Variants in ABCA12 observed in about 807,000 individuals in gnomAD.
ABCA12 encodes the protein ATP binding cassette subfamily A member 12.
A neutral mutation model predicts 293.5 loss-of-function variants in ABCA12; 156 were observed. The observed-to-expected ratio is 0.53, with a 90% CI of 0.47 to 0.61. The LOEUF (loss-of-function observed/expected upper bound fraction) is 0.61, where lower values mean the gene tolerates loss of function less well. Ranked by LOEUF, ABCA12 falls within the 20% of genes least tolerant of loss-of-function variation. The probability of loss-of-function intolerance (pLI) is 0.00; values close to 1 mark genes in which losing one functional copy is unlikely to be tolerated. For missense variants in ABCA12, 2,797 were observed against 3,090.2 expected, an observed-to-expected ratio of 0.91 and a Z score of 2.25; for synonymous variants, 1,063 against 1,108.0, an observed-to-expected ratio of 0.96 and a Z score of 0.81.
intron 39 of ABCA12, 69 bp from the exon 40 acceptor site, chr2:214,959,147 T>C: frequency 7.7e-7 from 1 of 1,292,372 alleles, no homozygotes; most frequent in Non-Finnish European, 1.1e-6. Flanking sequence ...TTTAGATGAA[T>C]AATATTCAAC....
At chr2:215,111,046 A>G (rs1044776360) in intron 2 of ABCA12, among the ~76,000 whole-genome samples, 2 of 152,258 alleles carry the variant, frequency 1.3e-5, no homozygotes, top group Non-Finnish European at 2.9e-5. Flanking sequence ...AAAATAACGG[A>G]GTGTCGGGCA....
In ABCA12 at chr2:215,011,442, A is replaced by T. The variant is rs7560008; in HGVS notation, c.2329T>A (p.Ser777Thr). The T allele has an allele frequency of 1, 1,600,198 of 1,600,786 alleles. 799,807 individuals carry two copies. The highest frequency in any genetic ancestry group is 1 in the East Asian group (44,814 of 44,814). Residue 777 changes from serine to threonine, a missense_variant, in exon 17 of 53, where the codon TCC becomes ACC. This residue lies in a region of ABCA12 where 2,130 missense variants were observed against 2,427.0 expected (regional missense o/e 0.88). Coordinates refer to ENST00000272895, the MANE Select transcript of ABCA12 (RefSeq NM_173076.3). ...IASKYGIPIN[S>T]TPFCFSLYKD... ...GCTTATTTTAAAGTATACTCACTGG[A>T]ATTTATGGGAATTCCATATTTTGAA...
Position 214,975,990 on chromosome 2 carries a change from G to T in ABCA12, c.5176C>A (p.Leu1726Met), listed in dbSNP as rs141343754. Residue 1726 changes from leucine to methionine, a missense_variant, in exon 34 of 53, where the codon CTG becomes ATG. Transcript: ENST00000272895. ...GERLDGFGLL[L>M]KKIMAILIKR... ...ATGAGTATAGCCATGATCTTCTTCAGCAACAGTCCAAAGCCATCCAGCCTC... is the reference window on the plus strand; with the variant it reads ...ATGAGTATAGCCATGATCTTCTTCATCAACAGTCCAAAGCCATCCAGCCTC... 3.0e-5 allele frequency: 48 copies of T among 1,613,930 alleles called. No individual in the cohort carries two copies. Among genetic ancestry groups the T allele is most frequent in the Admixed American group, 6.7e-5 (4 of 59,980 alleles).
At chr2:215,088,870 C>CA (rs1282588512) in intron 2 of ABCA12, among the ~76,000 whole-genome samples, 2 of 151,514 alleles carry the variant, frequency 1.3e-5, no homozygotes, top group Admixed American at 1.3e-4. Context: ...GCTTTAGTAG[C>CA]AAAAAAGGGT....
chr2:214,938,455 T>C, intron 50 of ABCA12, among the ~76,000 whole-genome samples: 1 of 152,318 alleles, frequency 6.6e-6, no homozygotes, highest in East Asian at 1.9e-4. Flanking sequence ...AATAGAATGA[T>C]TTATAATCCT....
At chr2:215,119,127 C>T (rs774276943) in intron 1 of ABCA12, among the ~76,000 whole-genome samples, 6 of 152,098 alleles carry the variant, frequency 3.9e-5, no homozygotes, top group Admixed American at 1.3e-4. Context: ...TGTGCCACCA[C>T]GCCTGGCTAA....
At position 215,025,734 on chromosome 2, in the gene ABCA12, A is replaced by C; in HGVS notation, c.1226T>G (p.Phe409Cys). 6.2e-7 allele frequency: 1 copy of C among 1,613,450 alleles called. No individual in the cohort carries two copies. Among genetic ancestry groups the C allele is most frequent in the Non-Finnish European group, 8.5e-7 (1 of 1,179,752 alleles). The change falls in exon 11 of 53, where the codon TTT becomes TGT. Residue 409 changes from phenylalanine (F) to cysteine (C), a missense_variant. Transcript: ENST00000272895. ...LQSTIRFKKS[F>C]LRNGSYEDYF... ...ATCTTCATAGGAACCATTGCGAAGA[A>C]AAGATTTTTTAAATCGTATTGTGGA...
chr2:215,116,729 C>T (rs1702694409), intron 1 of ABCA12, among the ~76,000 whole-genome samples: 1 of 152,152 alleles, frequency 6.6e-6, no homozygotes, highest in Admixed American at 6.5e-5. Flanking sequence ...TGTCATCATG[C>T]ACAACCTAAT....
At chr2:215,007,273 C>T (rs965182848) in intron 19 of ABCA12, among the ~76,000 whole-genome samples, 2 of 152,112 alleles carry the variant, frequency 1.3e-5, no homozygotes, top group African/African-American at 4.8e-5. Context: ...TATAACATGT[C>T]AAACTGAATT....
intron 7 of ABCA12, 133 bp downstream of exon 7, chr2:215,045,704 C>T (rs1701188138): frequency 1.2e-6 from 1 of 812,454 alleles, no homozygotes; most frequent in South Asian, 1.8e-5. Flanking sequence ...CTGCTAAAAT[C>T]TGCAATAAGA....
chr2:215,001,275 A>T (rs1700140031), intron 21 of ABCA12, among the ~76,000 whole-genome samples: 1 of 152,234 alleles, frequency 6.6e-6, no homozygotes, highest in African/African-American at 2.4e-5. Flanking sequence ...TTATTAATAT[A>T]AAAACACTTT....
chr2:215,112,333 A>ATTT (rs35532740), intron 1 of ABCA12, among the ~76,000 whole-genome samples: 5,366 of 126,562 alleles, frequency 0.042, 197 homozygotes, highest in African/African-American at 0.073. Flanking sequence ...ATAGTCAATG[A>ATTT]TTTTTTTTTT....
intron 15 of ABCA12, among the ~76,000 whole-genome samples, chr2:215,014,427 C>T (rs989228399): frequency 6.6e-6 from 1 of 151,850 alleles, no homozygotes; most frequent in Non-Finnish European, 1.5e-5. Context: ...AACTCTGGAG[C>T]CAGGGTCCAG....
Position 214,932,807 on chromosome 2 carries a change from CAT to C in ABCA12, c.7681-68_7681-67del, listed in dbSNP as rs1698102175. 2.1e-3 allele frequency: 915 copies of C among 434,572 alleles called. 1 individual carries two copies. Among genetic ancestry groups the C allele is most frequent in the Middle Eastern group, 2.9e-3 (5 of 1,696 alleles). The allele number at this position is 434,572 out of a possible 1,614,324, so 26.9% of individuals were successfully genotyped here. On this transcript the variant is annotated intron_variant, in intron 52 of 52. Transcript: ENST00000272895. ...GCCAAAGGAAAAAATAAAGTTAATT[CAT>C]TCTCTCTCTCTCCCCTTCCTCTCTC...
chr2:215,037,109 T>G, intron 7 of ABCA12, 44 bp from the exon 8 acceptor site: 3 of 1,510,272 alleles, frequency 2.0e-6, no homozygotes, highest in Non-Finnish European at 2.8e-6. Flanking sequence ...GTTTCAAGGT[T>G]TGCAGACAGA....
At position 214,974,883 on chromosome 2, in the gene ABCA12, G is replaced by A. The variant is rs1385362247; in HGVS notation, c.5382-19C>T. ...ATAATTACTGCAATATGAAAGGACA[G>A]AAACAAATTCATGATTTTTCTACTA... On this transcript the variant is annotated intron_variant, in intron 34 of 52. Transcript: ENST00000272895. 5 of 1,603,826 alleles carry A rather than the reference G, an allele frequency of 3.1e-6. No individual in the cohort carries two copies. Among genetic ancestry groups the A allele is most frequent in the Non-Finnish European group, 4.3e-6 (5 of 1,170,870 alleles).
chr2:215,024,035 C>T (rs1227463665), intron 11 of ABCA12, among the ~76,000 whole-genome samples: 2 of 152,176 alleles, frequency 1.3e-5, no homozygotes, highest in Non-Finnish European at 2.9e-5. Flanking sequence ...TGCAGATACC[C>T]CTATACCTGT....
At position 214,948,846 on chromosome 2, in the gene ABCA12, G is replaced by C. The variant is rs1263784784; in HGVS notation, c.6963-109C>G. The C allele has an allele frequency of 2.3e-6, 3 of 1,318,888 alleles. No homozygotes were observed. In the African/African-American group the frequency reaches 4.4e-5, roughly 19 times the overall value. 81.7% of individuals were successfully genotyped at this position (1,318,888 alleles called of 1,614,324 possible). ...TTTGGTCATGGTGGTCAGTGACTTT[G>C]ATAAAAAGGGATAAAATAATCCCAC... On this transcript the variant is annotated intron_variant, in intron 46 of 52. Coordinates refer to ENST00000272895, the MANE Select transcript of ABCA12 (RefSeq NM_173076.3).
intron 6 of ABCA12, among the ~76,000 whole-genome samples, chr2:215,048,540 C>CAAA (rs61442339): frequency 5.3e-4 from 76 of 144,002 alleles, no homozygotes; most frequent in Middle Eastern, 3.6e-3. Flanking sequence ...ACTAATAATA[C>CAAA]AAAAAAAAAA....
Sources: gnomAD v4.1 joint callset for allele counts (sites outside exome capture counted in the v4.1 genomes callset) on GRCh38, gnomAD v4.1.1 for gene constraint, gnomAD v4.1.1 regional missense constraint, MANE v1.5 for transcripts, NCBI Gene and HGNC (gene_info 2026-07-23, HGNC 2026-07-21) for gene names.